The following ESR1 variants were observed in gnomAD, a reference collection of about 807,000 sequenced individuals.
The protein encoded by ESR1 is estrogen receptor 1.
A neutral mutation model predicts 52.7 loss-of-function variants in ESR1; 12 were observed. The ratio of observed to expected loss-of-function variants is 0.23; its 90% CI spans 0.15 to 0.37. The LOEUF is 0.37. ESR1 is among the 10% of genes least tolerant of loss of function. The pLI, the probability that ESR1 is intolerant of heterozygous loss-of-function variation, is 1.00. For synonymous variants in ESR1, 305 were observed against 316.8 expected (o/e 0.96, Z 0.39); for missense variants, 584 against 779.7 (o/e 0.75, Z 2.99).
chr6:151,934,216 A>T (rs897635289), intron 3 of ESR1, among the ~76,000 whole-genome samples: 4 of 152,110 alleles, frequency 2.6e-5, no homozygotes, highest in African/African-American at 9.7e-5. Flanking sequence ...TTCTCACTTC[A>T]TTCTGGTTTC....
At chr6:152,057,231 C>T (rs758614892) in intron 5 of ESR1, among the ~76,000 whole-genome samples, 1 of 152,120 alleles carries the variant, frequency 6.6e-6, no homozygotes, top group Non-Finnish European at 1.5e-5. Flanking sequence ...TTTTCACTAG[C>T]TCACGTGGCA....
At chr6:151,800,067 T>C (rs996238615), upstream of ESR1, among the ~76,000 whole-genome samples, 1 of 152,190 alleles carries the variant, frequency 6.6e-6, no homozygotes, top group African/African-American at 2.4e-5. Context: ...ATTGAATGAA[T>C]GAACATGTAA....
At chr6:152,055,227 G>A (rs1482341923) in intron 5 of ESR1, among the ~76,000 whole-genome samples, 3 of 152,078 alleles carry the variant, frequency 2.0e-5, no homozygotes, top group Non-Finnish European at 2.9e-5. Context: ...GGATCAAATG[G>A]TAATTATATT....
intron 1 of ESR1, among the ~76,000 whole-genome samples, chr6:151,835,556 G>C (rs1583559784): frequency 1.3e-5 from 2 of 152,220 alleles, no homozygotes; most frequent in African/African-American, 4.8e-5. Flanking sequence ...AGAATGCAAA[G>C]TTGAACCCCT....
At chr6:151,886,633 G>A (rs950044358) in intron 3 of ESR1, among the ~76,000 whole-genome samples, 6 of 152,096 alleles carry the variant, frequency 3.9e-5, no homozygotes, top group Admixed American at 1.3e-4. Context: ...TGTTGCTTGG[G>A]TTTAATATTT....
At chr6:151,853,626 C>T (rs886392759) in intron 2 of ESR1, among the ~76,000 whole-genome samples, 2 of 152,166 alleles carry the variant, frequency 1.3e-5, no homozygotes, top group Non-Finnish European at 2.9e-5. Context: ...GTGGACACAG[C>T]TGAAGCTTTC....
chr6:151,821,307 G>C (rs922462284), intron 1 of ESR1, among the ~76,000 whole-genome samples: 2 of 152,118 alleles, frequency 1.3e-5, no homozygotes, highest in Admixed American at 6.5e-5. Context: ...ACATTATAAT[G>C]ATGGCTAAAG....
chr6:151,719,343 G>A (rs1327593541), intron 2 of ESR1, among the ~76,000 whole-genome samples: 5 of 152,214 alleles, frequency 3.3e-5, no homozygotes, highest in Non-Finnish European at 5.9e-5. Flanking sequence ...CTGTGTGGGT[G>A]TGGAGGAAGG....
chr6:152,025,702 T>C (rs952283768), intron 5 of ESR1, among the ~76,000 whole-genome samples: 2 of 152,010 alleles, frequency 1.3e-5, no homozygotes, highest in Non-Finnish European at 2.9e-5. Flanking sequence ...ATTTTATTAG[T>C]TCTACTAGTT....
intron 1 of ESR1, among the ~76,000 whole-genome samples, chr6:151,681,918 G>A (rs868052670): frequency 3.3e-5 from 5 of 152,288 alleles, no homozygotes; most frequent in Non-Finnish European, 7.3e-5. Context: ...TGCTGGGGTC[G>A]CTTGCAGCTG....
chr6:151,722,643 T>C (rs905673187), intron 2 of ESR1, among the ~76,000 whole-genome samples: 6 of 152,192 alleles, frequency 3.9e-5, no homozygotes, highest in Admixed American at 6.5e-5. Flanking sequence ...TGGGGCAAAA[T>C]CCTATTAAAA....
intron 5 of ESR1, among the ~76,000 whole-genome samples, chr6:152,050,589 T>C (rs915276888): frequency 1.3e-5 from 2 of 152,212 alleles, no homozygotes; most frequent in African/African-American, 4.8e-5. Context: ...ACCCATAGCT[T>C]ACAACAGTTA....
At chr6:151,730,020 C>G (rs1403835543) in intron 2 of ESR1, among the ~76,000 whole-genome samples, 1 of 152,168 alleles carries the variant, frequency 6.6e-6, no homozygotes, top group African/African-American at 2.4e-5. Context: ...GAATTGTGCC[C>G]TAAAGCTAGT....
intron 5 of ESR1, among the ~76,000 whole-genome samples, chr6:152,041,112 A>G (rs964953841): frequency 7.9e-5 from 12 of 152,184 alleles, no homozygotes; most frequent in Admixed American, 2.0e-4. Flanking sequence ...GTCTCTCACA[A>G]GGAGAGTAGT....
intron 4 of ESR1, among the ~76,000 whole-genome samples, chr6:152,005,007 G>A (rs913702877): frequency 2.0e-5 from 3 of 151,400 alleles, no homozygotes; most frequent in African/African-American, 7.3e-5. Flanking sequence ...TTACTGCATA[G>A]CGTTTGCCTG....
At chr6:151,880,863 G>T in intron 3 of ESR1, 92 bp downstream of exon 3, 2 of 725,104 alleles carry the variant, frequency 2.8e-6, no homozygotes, top group Non-Finnish European at 5.0e-6. Context: ...TGGGAATTTT[G>T]TGTTTTTTTC....
At position 152,022,245 on chromosome 6, in the gene ESR1, G is replaced by A. The variant is rs151142855; in HGVS notation, c.1235+10451G>A. Among the ~76,000 whole-genome samples the A allele has an allele frequency of 7.0e-3, 1,073 of 152,306 alleles. 14 individuals carry two copies. The highest frequency in any genetic ancestry group is 0.024 in the African/African-American group (1,013 of 41,570). On this transcript the variant is annotated intron_variant, in intron 5 of 7. Transcript: ENST00000206249. ...ATTCAGAGTGTGTGTGACTTGGAGT[G>A]TGGAAAGGAAGATTTCCAGATTTGC...
chr6:151,952,805 A>T (rs1033185810), intron 4 of ESR1, among the ~76,000 whole-genome samples: 2 of 152,252 alleles, frequency 1.3e-5, no homozygotes, highest in African/African-American at 4.8e-5. Flanking sequence ...AAGACTTTGC[A>T]AATGAGAAAT....
At chr6:151,946,250 A>G (rs115249492) in intron 4 of ESR1, among the ~76,000 whole-genome samples, 284 of 152,298 alleles carry the variant, frequency 1.9e-3, no homozygotes, top group African/African-American at 6.6e-3. Flanking sequence ...TTTTCCTGTA[A>G]ACATATATTT....
Sources: gnomAD v4.1 joint callset for allele counts (sites outside exome capture counted in the v4.1 genomes callset) on GRCh38, gnomAD v4.1.1 for gene constraint, MANE v1.5 for transcripts, NCBI Gene and HGNC (gene_info 2026-07-23, HGNC 2026-07-21) for gene names.